SLC12A8: variants seen among roughly 807,000 people sequenced by gnomAD.
SLC12A8 encodes solute carrier family 12 member 8, also known as cation-chloride cotransporter 9.
SLC12A8 carries 69 observed loss-of-function variants against 75.6 expected under a neutral mutation model. That is an observed-to-expected ratio of 0.91 (90% CI 0.75 to 1.11). The LOEUF (loss-of-function observed/expected upper bound fraction) is 1.11, where lower values mean the gene tolerates loss of function less well. Ranked by LOEUF, SLC12A8 falls within the 50% of genes most tolerant of loss-of-function variation. SLC12A8 has a pLI of 0.00. For missense variants in SLC12A8, 877 were observed against 896.7 expected (o/e 0.98, Z 0.28); for synonymous variants, 365 against 372.8 (o/e 0.98, Z 0.24).
At chr3:125,184,044 C>G (rs1474356504) in intron 4 of SLC12A8, among the ~76,000 whole-genome samples, 1 of 152,100 alleles carries the variant, frequency 6.6e-6, no homozygotes, top group East Asian at 1.9e-4. Flanking sequence ...GCATTCTCAG[C>G]TAACTGCAAC....
chr3:125,201,702 G>GAAAAAAAAAAAA (rs141256499), intron 2 of SLC12A8, among the ~76,000 whole-genome samples: 3 of 95,570 alleles, frequency 3.1e-5, no homozygotes, highest in Non-Finnish European at 4.3e-5. Flanking sequence ...AGCCATGATT[G>GAAAAAAAAAAAA]AAAAAAAAAA....
intron 5 of SLC12A8, among the ~76,000 whole-genome samples, chr3:125,173,174 C>G (rs1221180005): frequency 2.6e-5 from 4 of 151,722 alleles, no homozygotes; most frequent in African/African-American, 9.7e-5. Context: ...GGTGAAACTC[C>G]ATCTCAAAAA....
At chr3:125,100,433 G>A (rs1016839871) in intron 10 of SLC12A8, among the ~76,000 whole-genome samples, 3 of 151,438 alleles carry the variant, frequency 2.0e-5, no homozygotes, top group Non-Finnish European at 4.4e-5. Context: ...TAAAAATGGA[G>A]TCTCACTCTT....
At chr3:125,169,634 C>T (rs1560074682) in intron 5 of SLC12A8, among the ~76,000 whole-genome samples, 1 of 152,276 alleles carries the variant, frequency 6.6e-6, no homozygotes, top group East Asian at 1.9e-4. Context: ...CCACTCTGCT[C>T]CCCGAACTGA....
intron 4 of SLC12A8, among the ~76,000 whole-genome samples, chr3:125,179,458 C>A (rs1044826805): frequency 1.3e-5 from 2 of 152,182 alleles, no homozygotes; most frequent in Admixed American, 1.3e-4. Context: ...TCCATGAGTT[C>A]CAGCCATTTT....
intron 10 of SLC12A8, 148 bp from the exon 11 acceptor site, chr3:125,092,346 GAAGT>G (rs1408626755): frequency 1.8e-6 from 1 of 549,006 alleles, no homozygotes; most frequent in African/African-American, 1.9e-5. Flanking sequence ...AAGGAAGAAA[GAAGT>G]GTTTATGGCC....
chr3:125,094,744 A>G (rs1938671028), intron 10 of SLC12A8, among the ~76,000 whole-genome samples: 1 of 152,218 alleles, frequency 6.6e-6, no homozygotes, highest in African/African-American at 2.4e-5. Context: ...AGAATTGCCT[A>G]TGCAGTCTCT....
chr3:125,111,490 AT>A (rs1466199689), intron 8 of SLC12A8, among the ~76,000 whole-genome samples: 8 of 152,176 alleles, frequency 5.3e-5, no homozygotes, highest in African/African-American at 1.9e-4. Flanking sequence ...TTGTTTTCTT[AT>A]TTGAGGTGCC....
intron 5 of SLC12A8, among the ~76,000 whole-genome samples, chr3:125,151,780 A>G (rs904103348): frequency 1.3e-5 from 2 of 152,220 alleles, no homozygotes; most frequent in African/African-American, 4.8e-5. Flanking sequence ...TTTTAAAAAC[A>G]TTTTGATTTT....
At chr3:125,109,177 G>T (rs904408448) in intron 9 of SLC12A8, among the ~76,000 whole-genome samples, 1 of 151,992 alleles carries the variant, frequency 6.6e-6, no homozygotes, top group Non-Finnish European at 1.5e-5. Context: ...GGCTTTTCAC[G>T]TCTCTGAACT....
At chr3:125,142,342 C>A (rs1005847207) in intron 5 of SLC12A8, among the ~76,000 whole-genome samples, 1 of 152,186 alleles carries the variant, frequency 6.6e-6, no homozygotes, top group African/African-American at 2.4e-5. Context: ...GCAGGCCTGG[C>A]CTCCCTGGGC....
At chr3:125,141,882 G>T (rs955867264) in intron 5 of SLC12A8, among the ~76,000 whole-genome samples, 15 of 152,106 alleles carry the variant, frequency 9.9e-5, no homozygotes, top group African/African-American at 1.4e-4. Flanking sequence ...GGTGGGGCTC[G>T]GAGGGCGCAG....
At chr3:125,201,810 A>G (rs891474488) in intron 2 of SLC12A8, among the ~76,000 whole-genome samples, 9 of 152,198 alleles carry the variant, frequency 5.9e-5, no homozygotes, top group Admixed American at 2.0e-4. Flanking sequence ...AAAATTCAGA[A>G]AGAAAAAATT....
chr3:125,185,131 A>C (rs2107792800), intron 4 of SLC12A8, among the ~76,000 whole-genome samples: 1 of 152,122 alleles, frequency 6.6e-6, no homozygotes, highest in African/African-American at 2.4e-5. Flanking sequence ...AACTAGCCTG[A>C]CCAACATGGA....
chr3:125,108,550 G>A (rs1449720860), intron 9 of SLC12A8, among the ~76,000 whole-genome samples: 2 of 151,988 alleles, frequency 1.3e-5, no homozygotes, highest in African/African-American at 2.4e-5. Context: ...TGTATTTCTT[G>A]TAGAGACGTG....
intron 10 of SLC12A8, among the ~76,000 whole-genome samples, chr3:125,095,201 A>G (rs1423106988): frequency 6.6e-6 from 1 of 152,188 alleles, no homozygotes; most frequent in East Asian, 1.9e-4. Flanking sequence ...TGAATAGCTC[A>G]TTGTCTTCTC....
chr3:125,116,816 T>C (rs1227807960), intron 8 of SLC12A8, among the ~76,000 whole-genome samples: 1 of 152,196 alleles, frequency 6.6e-6, no homozygotes, highest in Non-Finnish European at 1.5e-5. Flanking sequence ...GCAGGAAGCA[T>C]TTCCCTCGGT....
At chr3:125,143,491 T>C (rs997661170) in intron 5 of SLC12A8, among the ~76,000 whole-genome samples, 3 of 152,200 alleles carry the variant, frequency 2.0e-5, no homozygotes, top group African/African-American at 7.2e-5. Flanking sequence ...ACTTTGGTCC[T>C]GCAAAGAGAG....
chr3:125,157,794 C>T (rs1392487254), intron 5 of SLC12A8, among the ~76,000 whole-genome samples: 1 of 152,220 alleles, frequency 6.6e-6, no homozygotes, highest in African/African-American at 2.4e-5. Context: ...TTCTTCCACT[C>T]TCCTCCACCT....
Sources: allele counts gnomAD v4.1 joint callset (sites outside exome capture counted in the v4.1 genomes callset), GRCh38; gene constraint gnomAD v4.1.1; transcripts MANE v1.5; gene names NCBI Gene and HGNC (gene_info 2026-07-23, HGNC 2026-07-21).